The following RABEPK variants were observed in gnomAD, a reference collection of about 807,000 sequenced individuals.
RABEPK encodes the protein 40 kDa Rab9 effector protein.
RABEPK carries 27 observed loss-of-function variants against 34.1 expected under a neutral mutation model. The ratio of observed to expected loss-of-function variants is 0.79; its 90% confidence interval spans 0.58 to 1.09. RABEPK has a LOEUF of 1.09. RABEPK is among the 50% of genes least tolerant of loss of function. The pLI, the probability that RABEPK is intolerant of heterozygous loss-of-function variation, is 0.00. For synonymous variants in RABEPK, 172 were observed against 169.2 expected, an observed-to-expected ratio of 1.02 and a Z score of -0.13; for missense variants, 449 against 462.6, an observed-to-expected ratio of 0.97 and a Z score of 0.27.
At chr9:125,224,208 CAAAACAAAAA>C (rs1831564779) in intron 5 of RABEPK, among the ~76,000 whole-genome samples, 1 of 137,896 alleles carries the variant, frequency 7.3e-6, no homozygotes, top group Non-Finnish European at 1.7e-5. Context: ...AAAACAAAAA[CAAAACAAAAA>C]AAAAAAACAA....
chr9:125,210,355 G>A (rs1407140827), intron 3 of RABEPK, among the ~76,000 whole-genome samples: 2 of 144,990 alleles, frequency 1.4e-5, no homozygotes, highest in African/African-American at 5.1e-5. Flanking sequence ...AGTGAGTGGA[G>A]ATCGTGCCAC....
intron 6 of RABEPK, among the ~76,000 whole-genome samples, chr9:125,231,202 G>C (rs1832148300): frequency 2.0e-5 from 3 of 151,932 alleles, no homozygotes; most frequent in Admixed American, 6.6e-5. Context: ...GCTGAGGCAG[G>C]AGCATCGCTT....
chr9:125,218,276 C>T (rs1020548687), intron 4 of RABEPK, among the ~76,000 whole-genome samples: 8 of 139,696 alleles, frequency 5.7e-5, no homozygotes, highest in Non-Finnish European at 1.2e-4. Context: ...GAGCCGAGAT[C>T]GCGCCACTGC....
intron 4 of RABEPK, among the ~76,000 whole-genome samples, chr9:125,218,414 G>A (rs1388041205): frequency 6.9e-6 from 1 of 145,108 alleles, no homozygotes; most frequent in African/African-American, 2.5e-5. Flanking sequence ...GGATTTAAAT[G>A]TGCAGAGCTT....
At chr9:125,232,780 T>G (rs755422655) in intron 7 of RABEPK, 35 bp downstream of exon 7, 3 of 1,586,504 alleles carry the variant, frequency 1.9e-6, no homozygotes, top group Non-Finnish European at 2.6e-6. Context: ...TTTAAACAAA[T>G]CTAAACATTC....
At chr9:125,205,436 G>C (rs569851723) in intron 2 of RABEPK, among the ~76,000 whole-genome samples, 2 of 152,146 alleles carry the variant, frequency 1.3e-5, no homozygotes, top group Admixed American at 6.6e-5. Context: ...CTTAGCTTCA[G>C]TTCCTCCGTT....
chr9:125,221,201 A>AATAC lies in RABEPK; in HGVS notation c.526+502_526+503insTACA, dbSNP rs1254852204. 425 of 150,026 alleles carry AATAC rather than the reference A, an allele frequency of 2.8e-3. 5 individuals are homozygous for AATAC. The highest frequency in any genetic ancestry group is 0.016 in the East Asian group (82 of 5,132). 9.3% of individuals were successfully genotyped at this position (150,026 alleles called of 1,614,324 possible). On this transcript the variant is annotated intron_variant, in intron 5 of 7. Transcript: ENST00000373538. ...AAATAAATAAATAAATAAATAAATA[A>AATAC]AACTAAAAAGGTAGGCCGGGAACGG...
chr9:125,207,046 G>A (rs1438120077), intron 2 of RABEPK, among the ~76,000 whole-genome samples: 4 of 149,568 alleles, frequency 2.7e-5, no homozygotes, highest in East Asian at 2.0e-4. Flanking sequence ...CCGAGATCAC[G>A]CCATTGCACT....
intron 3 of RABEPK, among the ~76,000 whole-genome samples, chr9:125,211,702 C>T (rs960298346): frequency 5.9e-5 from 9 of 152,100 alleles, no homozygotes; most frequent in South Asian, 2.1e-4. Context: ...GTAGGCTGGA[C>T]GAGGTGTAAT....
Position 125,218,009 on chromosome 9 carries a change from ACT to A in RABEPK, c.365-2527_365-2526del, listed in dbSNP as rs199863054. Among the ~76,000 whole-genome samples, 1,472 of 151,842 alleles carry A rather than the reference ACT, an allele frequency of 9.7e-3. 22 individuals are homozygous for A. The highest frequency in any genetic ancestry group is 0.034 in the African/African-American group (1,388 of 41,392). ...TGTGTTATGGTAGAGCAAGTGTGGG[ACT>A]CTGATAGAACTGAGTTCAGGCCCGG... On this transcript the variant is annotated intron_variant, in intron 4 of 7. Transcript: ENST00000373538.
At chr9:125,232,217 T>TACACACACACAC (rs34676967) in intron 6 of RABEPK, among the ~76,000 whole-genome samples, 36 of 118,170 alleles carry the variant, frequency 3.0e-4, no homozygotes, top group African/African-American at 9.2e-4. Flanking sequence ...GTATTTAAAG[T>TACACACACACAC]ACACACACAC....
At chr9:125,231,700 G>A (rs546795017) in intron 6 of RABEPK, among the ~76,000 whole-genome samples, 98 of 151,856 alleles carry the variant, frequency 6.5e-4, no homozygotes, top group Middle Eastern at 6.8e-3. Flanking sequence ...TACTCGGGAG[G>A]CTGAGGCAGA....
intron 5 of RABEPK, among the ~76,000 whole-genome samples, chr9:125,226,070 A>G (rs1588399738): frequency 6.6e-6 from 1 of 151,724 alleles, no homozygotes; most frequent in Non-Finnish European, 1.5e-5. Context: ...GAATCGCTTG[A>G]ACCTGGAAGG....
At chr9:125,217,069 G>A (rs1467283050) in intron 4 of RABEPK, among the ~76,000 whole-genome samples, 3 of 152,116 alleles carry the variant, frequency 2.0e-5, no homozygotes, top group Non-Finnish European at 4.4e-5. Context: ...ATAATATGGT[G>A]CTTAAGGGCA....
intron 2 of RABEPK, among the ~76,000 whole-genome samples, 182 bp from the exon 3 acceptor site, chr9:125,207,382 C>A (rs538749027): frequency 9.9e-5 from 15 of 152,252 alleles, no homozygotes; most frequent in South Asian, 2.1e-4. Flanking sequence ...ATTGAAAAGC[C>A]AAAGACTGTG....
chr9:125,201,846 T>C (rs1228649057), intron 1 of RABEPK, among the ~76,000 whole-genome samples: 1 of 151,500 alleles, frequency 6.6e-6, no homozygotes, highest in East Asian at 2.0e-4. Context: ...CGATCTGACC[T>C]CATGATCCGC....
At position 125,234,014 on chromosome 9, in the gene RABEPK, T is replaced by A. The variant is rs1005121714; in HGVS notation, c.*34T>A. 7.2e-6 allele frequency: 11 copies of A among 1,518,256 alleles called. No homozygotes were observed. The highest frequency in any genetic ancestry group is 9.9e-6 in the Non-Finnish European group (11 of 1,106,862). 94.0% of individuals were successfully genotyped at this position (1,518,256 alleles called of 1,614,324 possible). ...ACATTTTTATTACCTGTCAGTTACT[T>A]TCAGAATAGTTAAGTAAAACATTAG... On this transcript the variant is annotated 3_prime_UTR_variant, in exon 8 of 8. Coordinates refer to ENST00000373538, the MANE Select transcript of RABEPK (RefSeq NM_005833.4).
rs943076014 is a variant in RABEPK at position 125,207,734 on chromosome 9, G to A, written c.211+13G>A. The A allele has an allele frequency of 1.9e-6, 3 of 1,613,942 alleles. No homozygotes were observed. The stretch of plus-strand genomic sequence containing the variant: ...ACCATGGATCTGGGTAAGATCAGCA[G>A]CTGCAGAGTACATGCCCTATGGCCA... On this transcript the variant is annotated intron_variant, in intron 3 of 7. Coordinates refer to ENST00000373538, the MANE Select transcript of RABEPK (RefSeq NM_005833.4).
rs1244927043 is a variant in RABEPK at position 125,233,993 on chromosome 9, T to G, written c.*13T>G. On this transcript the variant is annotated 3_prime_UTR_variant, in exon 8 of 8. Transcript: ENST00000373538. ...TGTAGTGGACTAATAAAACCCACAT[T>G]TTTATTACCTGTCAGTTACTTTCAG... 1.9e-6 allele frequency: 3 copies of G among 1,567,016 alleles called. No homozygotes were observed. In the East Asian group the frequency reaches 6.8e-5, roughly 35 times the overall value.
Sources: gnomAD v4.1 joint callset for allele counts (sites outside exome capture counted in the v4.1 genomes callset) on GRCh38, gnomAD v4.1.1 for gene constraint, MANE v1.5 for transcripts, NCBI Gene and HGNC (gene_info 2026-07-23, HGNC 2026-07-21) for gene names.